CNTN5: variants seen among roughly 807,000 people sequenced by gnomAD.
The protein encoded by CNTN5 is contactin-5.
CNTN5 carries 77 observed loss-of-function variants against 129.1 expected under a neutral mutation model. The ratio of observed to expected loss-of-function variants is 0.60; its 90% CI spans 0.50 to 0.72. The LOEUF (loss-of-function observed/expected upper bound fraction) is 0.72. Among genes scored for constraint, CNTN5 ranks in the 30% least tolerant of loss-of-function variants. The pLI is 0.00. For synonymous variants in CNTN5, 509 were observed against 465.6 expected (o/e 1.09, Z -1.20); for missense variants, 1,478 against 1,328.8 (o/e 1.11, Z -1.75).
chr11:99,801,047 G>T (rs1191159189), intron 3 of CNTN5, among the ~76,000 whole-genome samples: 1 of 152,116 alleles, frequency 6.6e-6, no homozygotes. Context: ...GTGTGCTTCT[G>T]CAGTAGCAAG....
At chr11:99,582,320 C>T (rs1348673283) in intron 3 of CNTN5, among the ~76,000 whole-genome samples, 9 of 152,248 alleles carry the variant, frequency 5.9e-5, no homozygotes, top group South Asian at 4.2e-4. Context: ...TTGCTCTTCT[C>T]GAGGAGTATC....
rs1362558399 is a variant in CNTN5, at chr11:100,070,566, GT to G, written c.1299+8del. ...GAGTACCCCTCTCACCTCAGGTACT[GT>G]TGGGAGTTATTAACCTGTTCTGCTG... On this transcript the variant is annotated splice_region_variant and intron_variant, in intron 11 of 24. Transcript: ENST00000524871. The G allele has an allele frequency of 3.0e-5, 49 of 1,612,448 alleles. No homozygotes were observed. In the African/African-American group the frequency reaches 3.2e-4, roughly 11 times the overall value.
intron 8 of CNTN5, 69 bp downstream of exon 8, chr11:99,957,078 G>GTTT (rs375312209): frequency 1.2e-5 from 14 of 1,149,832 alleles, no homozygotes; most frequent in Non-Finnish European, 1.5e-5. Flanking sequence ...ATTAGTGTGT[G>GTTT]TTTTTTTTTT....
At chr11:99,577,934 C>T (rs200163731) in intron 3 of CNTN5, among the ~76,000 whole-genome samples, 3 of 151,042 alleles carry the variant, frequency 2.0e-5, no homozygotes, top group South Asian at 2.1e-4. Flanking sequence ...CCCATTAACT[C>T]GTCGTTTAGC....
intron 4 of CNTN5, among the ~76,000 whole-genome samples, chr11:99,830,248 G>T (rs576063222): frequency 7.6e-4 from 116 of 152,158 alleles, no homozygotes; most frequent in African/African-American, 2.6e-3. Context: ...ACATAATTTT[G>T]CTCTCTTTAA....
chr11:99,724,604 A>C (rs1250718918), intron 3 of CNTN5, among the ~76,000 whole-genome samples: 3 of 152,338 alleles, frequency 2.0e-5, no homozygotes, highest in Admixed American at 6.5e-5. Flanking sequence ...AAAACTTGTC[A>C]AAGTCACACA....
intron 7 of CNTN5, among the ~76,000 whole-genome samples, chr11:99,939,043 T>A (rs1452384624): frequency 4.6e-5 from 7 of 152,220 alleles, no homozygotes; most frequent in Admixed American, 3.3e-4. Flanking sequence ...GACTACCTTT[T>A]ATTGAGCTGA....
intron 8 of CNTN5, among the ~76,000 whole-genome samples, chr11:99,978,079 T>G (rs183250641): frequency 2.0e-3 from 312 of 152,366 alleles, no homozygotes; most frequent in African/African-American, 7.2e-3. Flanking sequence ...CTAGTGACTT[T>G]CAGTGTAACC....
chr11:99,106,924 T>A (rs1451172114), intron 1 of CNTN5, among the ~76,000 whole-genome samples: 1 of 152,080 alleles, frequency 6.6e-6, no homozygotes, highest in Admixed American at 6.6e-5. Context: ...ACATCTTTTG[T>A]AACATTAACA....
At chr11:99,711,929 C>T (rs1483605365) in intron 3 of CNTN5, among the ~76,000 whole-genome samples, 1 of 152,018 alleles carries the variant, frequency 6.6e-6, no homozygotes, top group Non-Finnish European at 1.5e-5. Flanking sequence ...GTGAATCGTG[C>T]TGCAGTAAAC....
At chr11:99,301,740 A>G (rs1864649507) in intron 1 of CNTN5, among the ~76,000 whole-genome samples, 1 of 151,716 alleles carries the variant, frequency 6.6e-6, no homozygotes, top group South Asian at 2.1e-4. Context: ...CAATTAGTCT[A>G]CACATTTATA....
At chr11:99,301,833 G>A (rs1864654765) in intron 1 of CNTN5, among the ~76,000 whole-genome samples, 1 of 151,604 alleles carries the variant, frequency 6.6e-6, no homozygotes, top group South Asian at 2.1e-4. Flanking sequence ...GTTAGGCCAC[G>A]TGACAATCGT....
intron 2 of CNTN5, among the ~76,000 whole-genome samples, chr11:99,542,856 C>T (rs1948162319): frequency 6.6e-6 from 1 of 152,190 alleles, no homozygotes. Flanking sequence ...GAGGTGGATC[C>T]TGGAGTTGCA....
intron 1 of CNTN5, among the ~76,000 whole-genome samples, chr11:99,062,593 A>G (rs1251950830): frequency 6.6e-6 from 1 of 152,172 alleles, no homozygotes; most frequent in Non-Finnish European, 1.5e-5. Flanking sequence ...ATAAGGGTAG[A>G]GTGAAGGGGA....
At chr11:99,947,669 A>G (rs1431987893) in intron 7 of CNTN5, among the ~76,000 whole-genome samples, 1 of 152,160 alleles carries the variant, frequency 6.6e-6, no homozygotes, top group Non-Finnish European at 1.5e-5. Context: ...AAGCAACTCA[A>G]GTTCCACATT....
chr11:99,308,713 A>G (rs779977021), intron 1 of CNTN5, among the ~76,000 whole-genome samples: 12 of 152,156 alleles, frequency 7.9e-5, no homozygotes, highest in Admixed American at 7.2e-4. Flanking sequence ...TTGTCCTAAC[A>G]TTGTTTCAAT....
rs967189300 is a variant in CNTN5, at chr11:99,263,051, G to A, written c.-209-62295G>A. ...TACATCAGCCATATGATCCCTAAGT[G>A]TAAAGAATTAAGTCAGCAAAAAGTC... On this transcript the variant is annotated intron_variant, in intron 1 of 24. Coordinates refer to ENST00000524871, the MANE Select transcript of CNTN5 (RefSeq NM_014361.4). Among the ~76,000 whole-genome samples the A allele has an allele frequency of 2.0e-5, 3 of 152,166 alleles. No individual in the cohort carries two copies. In the South Asian group the frequency reaches 6.2e-4, roughly 32 times the overall value.
In CNTN5 at chr11:99,231,573, C is replaced by T. The variant is rs137903620; in HGVS notation, c.-209-93773C>T. 3.1e-3 allele frequency among the ~76,000 whole-genome samples: 475 copies of T among 152,190 alleles called. 1 individual carries two copies. Among genetic ancestry groups the T allele is most frequent in the African/African-American group, 0.011 (468 of 41,512 alleles). Reference sequence around the variant, plus strand: ...AAACCTTTGTCCAATGGATAGATTGCAAAAATTTTCTCCCATTCTGTAGGT... The same window carrying T: ...AAACCTTTGTCCAATGGATAGATTGTAAAAATTTTCTCCCATTCTGTAGGT... On this transcript the variant is annotated intron_variant, in intron 1 of 24. Transcript: ENST00000524871.
At chr11:99,145,952 T>A (rs1859763515) in intron 1 of CNTN5, among the ~76,000 whole-genome samples, 1 of 152,134 alleles carries the variant, frequency 6.6e-6, no homozygotes, top group Admixed American at 6.5e-5. Context: ...GATTTTTTTT[T>A]TAGTGGTGGT....
Sources: allele counts gnomAD v4.1 joint callset (sites outside exome capture counted in the v4.1 genomes callset), GRCh38; gene constraint gnomAD v4.1.1; transcripts MANE v1.5; gene names NCBI Gene and HGNC (gene_info 2026-07-23, HGNC 2026-07-21).